Variants in RNF144A observed in about 807,000 individuals in gnomAD.
RNF144A encodes ring finger protein 144A, also known as E3 ubiquitin-protein ligase RNF144A.
RNF144A carries 11 observed loss-of-function variants against 38.7 expected under a neutral mutation model. That is an observed-to-expected ratio of 0.28 (90% CI 0.18 to 0.47). The LOEUF (loss-of-function observed/expected upper bound fraction) is 0.47, where lower values mean the gene tolerates loss of function less well. RNF144A is among the 20% of genes least tolerant of loss of function. RNF144A has a pLI of 0.99. For synonymous variants in RNF144A, 149 were observed against 143.9 expected, an observed-to-expected ratio of 1.04 and a Z score of -0.25; for missense variants, 316 against 377.2, an observed-to-expected ratio of 0.84 and a Z score of 1.34.
chr2:7,034,736 G>A (rs537107393), intron 8 of RNF144A, among the ~76,000 whole-genome samples: 16 of 152,348 alleles, frequency 1.1e-4, no homozygotes, highest in Admixed American at 8.5e-4. Context: ...TATGAAATGA[G>A]TGGCACCTGA....
the RNF144A span, among the ~76,000 whole-genome samples, chr2:7,073,876 T>C: frequency 6.6e-6 from 1 of 152,244 alleles, no homozygotes; most frequent in South Asian, 2.1e-4. Context: ...TGCAAGGGCA[T>C]AGGGGAGGCC....
In RNF144A at chr2:7,042,060, C is replaced by G; in HGVS notation, c.*2300C>G. The G allele has an allele frequency of 1.0e-6, 1 of 985,366 alleles. No homozygotes were observed. The highest frequency in any genetic ancestry group is 1.2e-6 in the Non-Finnish European group (1 of 829,898). 61.0% of individuals were successfully genotyped at this position (985,366 alleles called of 1,614,324 possible). A position where few individuals can be genotyped will look rare whatever the true frequency, so the allele number is the denominator to read the frequency against. ...GCAGTCAAATTGGCACCTACTGGCT[C>G]TGACTTTTTGTATGAAGCATGCCTC... is the stretch of plus-strand genomic sequence containing the variant. On this transcript the variant is annotated 3_prime_UTR_variant, in exon 9 of 9. Coordinates refer to ENST00000320892, the MANE Select transcript of RNF144A (RefSeq NM_014746.6).
intron 2 of RNF144A, among the ~76,000 whole-genome samples, chr2:6,955,289 A>G (rs1334147104): frequency 6.6e-6 from 1 of 152,182 alleles, no homozygotes; most frequent in Non-Finnish European, 1.5e-5. Flanking sequence ...AAAATAAATA[A>G]TAAAATTCGG....
intron 1 of RNF144A, among the ~76,000 whole-genome samples, chr2:6,926,042 C>T (rs1026249943): frequency 6.6e-6 from 1 of 152,246 alleles, no homozygotes; most frequent in African/African-American, 2.4e-5. Context: ...AATAGCAAGG[C>T]ACTGAAGGTA....
At chr2:7,037,337 A>C (rs1439444698) in intron 8 of RNF144A, among the ~76,000 whole-genome samples, 2 of 152,234 alleles carry the variant, frequency 1.3e-5, no homozygotes, top group African/African-American at 4.8e-5. Context: ...GAATGTGATC[A>C]TTTGGTCCAG....
intron 6 of RNF144A, among the ~76,000 whole-genome samples, chr2:7,065,473 G>A (rs908569309): frequency 3.3e-5 from 5 of 152,188 alleles, no homozygotes; most frequent in Non-Finnish European, 7.3e-5. Context: ...AAAGGATGCT[G>A]GAAAAGAAAT....
intron 1 of RNF144A, among the ~76,000 whole-genome samples, chr2:6,925,494 A>G (rs1664801224): frequency 6.6e-6 from 1 of 151,962 alleles, no homozygotes; most frequent in South Asian, 2.1e-4. Context: ...TCTTCTTGTT[A>G]TCATGTGTAG....
chr2:7,016,316 A>AGACTTCTGAGACTTTCAGG (rs1466034017), intron 5 of RNF144A, among the ~76,000 whole-genome samples: 1 of 152,182 alleles, frequency 6.6e-6, no homozygotes, highest in African/African-American at 2.4e-5. Flanking sequence ...TGATTAATTT[A>AGACTTCTGAGACTTTCAGG]GACTTCTGAG....
At chr2:6,980,993 A>G (rs1035053650) in intron 2 of RNF144A, among the ~76,000 whole-genome samples, 2 of 152,238 alleles carry the variant, frequency 1.3e-5, no homozygotes, top group Non-Finnish European at 1.5e-5. Context: ...CTCTGAAGCA[A>G]TGGCCTGAGC....
Position 6,968,693 on chromosome 2 carries a change from G to GTT in RNF144A, c.-12+27556_-12+27557dup, listed in dbSNP as rs5829092. On this transcript the variant is annotated intron_variant, in intron 2 of 8. Transcript: ENST00000320892. ...AACACCCAGAATTACCTGTCAATGT[G>GTT]TTTTTTTTTTTACAAATTTAGCCAC... Among the ~76,000 whole-genome samples, 792 of 149,866 alleles carry GTT rather than the reference G, an allele frequency of 5.3e-3. 7 individuals carry two copies. The highest frequency in any genetic ancestry group is 7.1e-3 in the Middle Eastern group (2 of 282).
At chr2:7,032,501 G>A (rs939764027) in intron 8 of RNF144A, among the ~76,000 whole-genome samples, 3 of 152,228 alleles carry the variant, frequency 2.0e-5, no homozygotes, top group Non-Finnish European at 4.4e-5. Context: ...GTGTCAGCAG[G>A]GCCCTGCCTG....
chr2:6,933,146 C>T (rs944187805), intron 1 of RNF144A: 1 of 152,212 alleles, frequency 6.6e-6, no homozygotes, highest in African/African-American at 2.4e-5. Context: ...AGAAAACAAT[C>T]CTAGACTTGG....
chr2:6,969,248 T>A (rs1460943695), intron 2 of RNF144A, among the ~76,000 whole-genome samples: 2 of 152,216 alleles, frequency 1.3e-5, no homozygotes, highest in Non-Finnish European at 2.9e-5. Context: ...CATCAGAGTG[T>A]GACCTTATTT....
chr2:7,037,253 G>A (rs1672741421), intron 8 of RNF144A, among the ~76,000 whole-genome samples: 1 of 152,204 alleles, frequency 6.6e-6, no homozygotes, highest in Admixed American at 6.5e-5. Flanking sequence ...GGGTAACCCG[G>A]CTTCTCAAAC....
At chr2:7,053,578 G>C (rs1476138455) in intron 6 of RNF144A, among the ~76,000 whole-genome samples, 1 of 152,200 alleles carries the variant, frequency 6.6e-6, no homozygotes, top group Non-Finnish European at 1.5e-5. Flanking sequence ...TTGAGTGTTG[G>C]AGACTGCCTA....
At chr2:7,025,245 A>C (rs1278648889) in intron 7 of RNF144A, among the ~76,000 whole-genome samples, 1 of 152,244 alleles carries the variant, frequency 6.6e-6, no homozygotes, top group Non-Finnish European at 1.5e-5. Flanking sequence ...TGGAGCTTTG[A>C]GGCCTGATGC....
intron 1 of RNF144A, among the ~76,000 whole-genome samples, chr2:6,938,415 T>G: frequency 6.6e-6 from 1 of 151,888 alleles, no homozygotes. Flanking sequence ...ACCCAGCTAA[T>G]TTTTGTATTT....
In RNF144A at chr2:7,043,942, T is replaced by G. The variant is rs1392813269; in HGVS notation, c.*4182T>G. The G allele has an allele frequency of 6.1e-6, 6 of 985,804 alleles. No homozygotes were observed. The highest frequency in any genetic ancestry group is 4.7e-5 in the South Asian group (1 of 21,286). The allele number at this position is 985,804 out of a possible 1,614,324, so 61.1% of individuals were successfully genotyped here. The stretch of plus-strand genomic sequence containing the variant: ...GTGGTGAAACAAAATCAAAACAGAT[T>G]TGATTTGTGTTTTTGAAATGTCAGT... On this transcript the variant is annotated 3_prime_UTR_variant, in exon 9 of 9. Coordinates refer to ENST00000320892, the MANE Select transcript of RNF144A (RefSeq NM_014746.6).
At chr2:7,020,399 G>A (rs1042386883) in intron 5 of RNF144A, 74 bp from the exon 6 acceptor site, 32 of 1,321,132 alleles carry the variant, frequency 2.4e-5, no homozygotes, top group Admixed American at 3.4e-5. Context: ...CGTGCACTGA[G>A]GGGCTCCTTC....
Sources: allele counts gnomAD v4.1 joint callset (sites outside exome capture counted in the v4.1 genomes callset), GRCh38; gene constraint gnomAD v4.1.1; transcripts MANE v1.5; gene names NCBI Gene and HGNC (gene_info 2026-07-23, HGNC 2026-07-21).